The following LINGO2 variants were observed in gnomAD, a reference collection of about 807,000 sequenced individuals.
The protein encoded by LINGO2 is leucine rich repeat and Ig domain containing 2.
LINGO2 carries 14 observed loss-of-function variants against 30.6 expected under a neutral mutation model. The observed-to-expected ratio is 0.46, with a 90% CI of 0.30 to 0.72. The LOEUF (loss-of-function observed/expected upper bound fraction) is 0.72. Among genes scored for constraint, LINGO2 ranks in the 30% least tolerant of loss-of-function variants. The pLI is 0.07. For synonymous variants in LINGO2, 317 were observed against 288.5 expected (o/e 1.10, Z -1.00); for missense variants, 729 against 751.7 (o/e 0.97, Z 0.35).
chr9:28,158,480 A>T (rs1189081514), intron 4 of LINGO2, among the ~76,000 whole-genome samples: 1 of 152,168 alleles, frequency 6.6e-6, no homozygotes, highest in Non-Finnish European at 1.5e-5. Flanking sequence ...TTGAAGACAA[A>T]AGAAAAGCAG....
chr9:28,901,499 C>T, the LINGO2 span, among the ~76,000 whole-genome samples: 14 of 150,868 alleles, frequency 9.3e-5, no homozygotes, highest in East Asian at 3.9e-4. Context: ...AAATAATAGG[C>T]GCAATTATTT....
chr9:28,516,115 T>TACA (rs1460704832), intron 1 of LINGO2, among the ~76,000 whole-genome samples: 2 of 152,222 alleles, frequency 1.3e-5, no homozygotes, highest in African/African-American at 4.8e-5. Context: ...AGGCATAATG[T>TACA]TATTGCCCAT....
chr9:29,096,303 T>G, the LINGO2 span, among the ~76,000 whole-genome samples: 2 of 139,464 alleles, frequency 1.4e-5, 1 homozygote, highest in African/African-American at 5.4e-5. Flanking sequence ...TTTTTTATTT[T>G]GAGACAGAGT....
exon 6 of LINGO2, chr9:27,950,562 T>G (rs755207813): frequency 5.8e-6 from 9 of 1,547,836 alleles, no homozygotes; most frequent in Non-Finnish European, 7.9e-6. Context: ...AGATTTGTTC[T>G]GGGCAGAGCA....
intron 5 of LINGO2, among the ~76,000 whole-genome samples, chr9:27,955,111 A>G (rs1431501928): frequency 6.6e-6 from 1 of 152,164 alleles, no homozygotes; most frequent in East Asian, 1.9e-4. Context: ...AAAGTCATGG[A>G]TATGTTTTAT....
the LINGO2 span, among the ~76,000 whole-genome samples, chr9:29,064,078 A>AT: frequency 5.3e-5 from 8 of 152,032 alleles, no homozygotes; most frequent in Admixed American, 4.6e-4. Context: ...GAACATCTAT[A>AT]TTTTTTTGCT....
Position 28,148,268 on chromosome 9 carries a change from G to A in LINGO2, c.-86-135863C>T, listed in dbSNP as rs1271348299. On this transcript the variant is annotated intron_variant, in intron 4 of 5. Coordinates refer to ENST00000379992, the Ensembl canonical transcript of LINGO2. This position sits in a 1 kb window ranked among gnomAD's most constrained non-coding sequence, Gnocchi z 5.1. ...CACCCCACAGAGGGTCCTGTCTCCT[G>A]TGGTCTGGAGCCCCGCCTCAAGGAA... 3.9e-6 allele frequency: 3 copies of A among 767,444 alleles called. No individual in the cohort carries two copies. In the African/African-American group the frequency reaches 5.2e-5, roughly 13 times the overall value. 47.5% of individuals were successfully genotyped at this position (767,444 alleles called of 1,614,324 possible).
chr9:27,995,887 TA>T (rs1478432593), intron 5 of LINGO2, among the ~76,000 whole-genome samples: 1 of 152,132 alleles, frequency 6.6e-6, no homozygotes, highest in East Asian at 1.9e-4. Flanking sequence ...CAGAAAGAGA[TA>T]CAAGGCATCC....
At chr9:28,793,409 A>G in the LINGO2 span, among the ~76,000 whole-genome samples, 5 of 152,328 alleles carry the variant, frequency 3.3e-5, no homozygotes, top group East Asian at 9.6e-4. Context: ...TCTGTCTCTC[A>G]GTCTTTTTCG....
chr9:28,058,658 A>G (rs778811152), intron 4 of LINGO2, among the ~76,000 whole-genome samples: 2 of 152,162 alleles, frequency 1.3e-5, no homozygotes, highest in Admixed American at 6.5e-5. Flanking sequence ...TCTAATTTCT[A>G]TTATAAACAT....
chr9:28,474,803 T>A (rs1825664248), intron 2 of LINGO2, among the ~76,000 whole-genome samples: 1 of 152,162 alleles, frequency 6.6e-6, no homozygotes, highest in Admixed American at 6.6e-5. Context: ...GTCAGGCTGG[T>A]GTCAATTTGC....
At chr9:29,045,347 A>C in the LINGO2 span, among the ~76,000 whole-genome samples, 1 of 152,180 alleles carries the variant, frequency 6.6e-6, no homozygotes, top group African/African-American at 2.4e-5. Flanking sequence ...CTGTACTTTC[A>C]TACAATGAAG....
chr9:28,245,859 C>G (rs939755787), intron 4 of LINGO2, among the ~76,000 whole-genome samples: 1 of 152,058 alleles, frequency 6.6e-6, no homozygotes, highest in Non-Finnish European at 1.5e-5. Flanking sequence ...ATGAAATGGC[C>G]ATACTGCTCA....
the LINGO2 span, among the ~76,000 whole-genome samples, chr9:28,711,881 C>T: frequency 2.6e-5 from 4 of 151,994 alleles, no homozygotes; most frequent in Admixed American, 6.6e-5. Flanking sequence ...ATACTATATC[C>T]GTATAGGAAT....
chr9:28,991,516 GC>G, the LINGO2 span, among the ~76,000 whole-genome samples: 1 of 134,794 alleles, frequency 7.4e-6, no homozygotes, highest in South Asian at 2.6e-4. Context: ...TACAGAGAAC[GC>G]CAAAAAGATA....
At chr9:29,156,794 A>C in the LINGO2 span, among the ~76,000 whole-genome samples, 1 of 152,192 alleles carries the variant, frequency 6.6e-6, no homozygotes, top group Non-Finnish European at 1.5e-5. Context: ...ATTTTCTTAC[A>C]CTTCCCAAAT....
At chr9:28,026,644 T>TA (rs1205867080) in intron 4 of LINGO2, among the ~76,000 whole-genome samples, 3 of 152,336 alleles carry the variant, frequency 2.0e-5, no homozygotes, top group African/African-American at 7.2e-5. Context: ...AGCAAGTTCT[T>TA]ATATTTTCAA....
At chr9:28,851,716 T>C in the LINGO2 span, among the ~76,000 whole-genome samples, 1 of 151,916 alleles carries the variant, frequency 6.6e-6, no homozygotes, top group Non-Finnish European at 1.5e-5. Context: ...TCCACAAGCA[T>C]TCCCTTTGAG....
chr9:29,141,145 T>C, the LINGO2 span, among the ~76,000 whole-genome samples: 2 of 152,054 alleles, frequency 1.3e-5, no homozygotes, highest in African/African-American at 4.8e-5. Flanking sequence ...CAGAATCCTG[T>C]AATACAGTAG....
Sources: allele counts gnomAD v4.1 joint callset (sites outside exome capture counted in the v4.1 genomes callset), GRCh38; gene constraint gnomAD v4.1.1; non-coding constraint Gnocchi (gnomAD v3.1); transcripts MANE v1.5; gene names NCBI Gene and HGNC (gene_info 2026-07-23, HGNC 2026-07-21).